Variants in STS observed in about 807,000 individuals in gnomAD.
STS encodes the protein steroid sulfatase.
In STS, 7 loss-of-function variants were observed where a neutral mutation model predicts 26.8. That is an observed-to-expected ratio of 0.26 (90% CI 0.15 to 0.49). The LOEUF (loss-of-function observed/expected upper bound fraction) is 0.49, where lower values mean the gene tolerates loss of function less well. Ranked by LOEUF, STS falls within the 20% of genes least tolerant of loss-of-function variation. The pLI, the probability that STS is intolerant of heterozygous loss-of-function variation, is 0.98. For missense variants in STS, 434 were observed against 465.6 expected, an observed-to-expected ratio of 0.93 and a Z score of 0.63; for synonymous variants, 199 against 189.4, an observed-to-expected ratio of 1.05 and a Z score of -0.42.
intron 1 of STS, among the ~76,000 whole-genome samples, chrX:7,162,320 G>T (rs1933260393): frequency 9.0e-6 from 1 of 111,500 alleles, no homozygotes; most frequent in Non-Finnish European, 1.9e-5. Context: ...AGGAAAACAA[G>T]CAGTATAAAT....
At chrX:7,342,065 G>A (rs1308353383) in intron 10 of STS, among the ~76,000 whole-genome samples, 3 of 111,341 alleles carry the variant, frequency 2.7e-5, no homozygotes, top group Non-Finnish European at 5.7e-5. Context: ...ACCCCGCCTC[G>A]GCCTCCCAAA....
At chrX:7,324,923 C>T in intron 8 of STS, among the ~76,000 whole-genome samples, 1 of 111,460 alleles carries the variant, frequency 9.0e-6, no homozygotes, top group Middle Eastern at 4.6e-3. Flanking sequence ...GGCAAAATAC[C>T]CATTTCCCCA....
At chrX:7,180,286 A>G in intron 1 of STS, among the ~76,000 whole-genome samples, 1 of 111,756 alleles carries the variant, frequency 8.9e-6, no homozygotes. Flanking sequence ...GTGATGGGAG[A>G]CAGTGATAGA....
chrX:7,343,356 A>G (rs1928379165), intron 10 of STS, among the ~76,000 whole-genome samples: 1 of 112,356 alleles, frequency 8.9e-6, no homozygotes, highest in African/African-American at 3.2e-5. Flanking sequence ...CATGTATTAC[A>G]GTAGCAACAG....
chrX:7,248,034 C>T (rs1311334017), intron 2 of STS, among the ~76,000 whole-genome samples: 4 of 111,665 alleles, frequency 3.6e-5, no homozygotes, highest in Non-Finnish European at 5.6e-5. Context: ...ATTATAAATA[C>T]CTAATGGGAA....
intron 7 of STS, among the ~76,000 whole-genome samples, chrX:7,282,053 T>C (rs1388551063): frequency 8.9e-6 from 1 of 112,681 alleles, no homozygotes; most frequent in Admixed American, 9.4e-5. Context: ...TATATTAACC[T>C]GCACACAGGG....
At chrX:7,180,881 A>G in intron 1 of STS, among the ~76,000 whole-genome samples, 1 of 112,439 alleles carries the variant, frequency 8.9e-6, no homozygotes, top group South Asian at 3.7e-4. Flanking sequence ...AAGTTGACAA[A>G]CTGTCCTCAT....
intron 8 of STS, among the ~76,000 whole-genome samples, chrX:7,315,366 C>T (rs1241091893): frequency 6.3e-5 from 7 of 111,731 alleles, no homozygotes; most frequent in African/African-American, 2.0e-4. Context: ...TTAATGAAAT[C>T]GGAGAGGCTT....
At chrX:7,270,671 A>G (rs911523417) in intron 6 of STS, among the ~76,000 whole-genome samples, 1 of 112,067 alleles carries the variant, frequency 8.9e-6, no homozygotes, top group African/African-American at 3.2e-5. Context: ...CCACTGCTTT[A>G]TAGAGAGATG....
intron 8 of STS, 144 bp downstream of exon 8, chrX:7,305,327 C>T: frequency 1.4e-6 from 1 of 726,727 alleles, no homozygotes. Flanking sequence ...GTCAGAAGGC[C>T]AAAGTGACCA....
chrX:7,308,012 C>G (rs1373589457), intron 8 of STS, among the ~76,000 whole-genome samples: 1 of 112,502 alleles, frequency 8.9e-6, no homozygotes, highest in African/African-American at 3.2e-5. Context: ...CTTTTCAAAG[C>G]TAGCTAGGTG....
chrX:7,190,868 A>G lies in STS; in HGVS notation c.-133-12A>G. The stretch of plus-strand genomic sequence containing the variant: ...CAGCGTGTGATTATTCATCTTTTGA[A>G]TGAATTCACAGGAAGAGCCCGATGC... On this transcript the variant is annotated splice_polypyrimidine_tract_variant and intron_variant, in intron 1 of 10. Transcript: ENST00000674429. 2 of 244,341 alleles carry G rather than the reference A, an allele frequency of 8.2e-6. No homozygotes were observed. Among genetic ancestry groups the G allele is most frequent in the Non-Finnish European group, 1.2e-5 (2 of 173,306 alleles). The allele number at this position is 244,341 out of a possible 1,213,427, so 20.1% of individuals were successfully genotyped here.
At chrX:7,301,128 A>T (rs1465405841) in intron 7 of STS, among the ~76,000 whole-genome samples, 1 of 110,781 alleles carries the variant, frequency 9.0e-6, no homozygotes, top group African/African-American at 3.3e-5. Context: ...TTTGAAAGGC[A>T]TTTAAAAAAT....
In STS at chrX:7,311,432, A is replaced by G. The variant is rs199577638; in HGVS notation, c.1081+6249A>G. On this transcript the variant is annotated intron_variant, in intron 8 of 10. Transcript: ENST00000674429. ...AGCTGCTGGAAGTGGTGGGCTCCCT[A>G]CGAAACCTCTAGGGGAGAATCCTTT... Among the ~76,000 whole-genome samples, 16 of 111,691 alleles carry G rather than the reference A, an allele frequency of 1.4e-4. No homozygotes were observed. The East Asian group carries it at 3.7e-3, about 26-fold the overall frequency.
intron 1 of STS, among the ~76,000 whole-genome samples, chrX:7,187,855 T>A (rs1933801783): frequency 9.0e-6 from 1 of 111,652 alleles, no homozygotes; most frequent in East Asian, 2.8e-4. Context: ...CATTCTTAGA[T>A]CATTATCATT....
intron 9 of STS, among the ~76,000 whole-genome samples, chrX:7,327,535 C>T (rs1217996937): frequency 9.1e-6 from 1 of 109,687 alleles, no homozygotes; most frequent in African/African-American, 3.3e-5. Flanking sequence ...AAGCATGCAC[C>T]ACCACGCCCA....
intron 8 of STS, among the ~76,000 whole-genome samples, chrX:7,307,771 A>G (rs897895960): frequency 8.9e-6 from 1 of 111,840 alleles, no homozygotes; most frequent in Non-Finnish European, 1.9e-5. Context: ...GAAATTTGGA[A>G]CAAAGAATGT....
At chrX:7,330,721 A>G (rs1159568677) in intron 9 of STS, among the ~76,000 whole-genome samples, 1 of 112,016 alleles carries the variant, frequency 8.9e-6, no homozygotes, top group Non-Finnish European at 1.9e-5. Context: ...AGTTTTGCAG[A>G]ACTAAAGGTG....
intron 8 of STS, among the ~76,000 whole-genome samples, chrX:7,308,551 T>C (rs779635570): frequency 1.8e-5 from 2 of 111,373 alleles, no homozygotes; most frequent in Non-Finnish European, 3.8e-5. Flanking sequence ...GAATAATGGT[T>C]GGGAACCCCA....
Sources: allele counts gnomAD v4.1 joint callset (sites outside exome capture counted in the v4.1 genomes callset), GRCh38; gene constraint gnomAD v4.1.1; transcripts MANE v1.5; gene names NCBI Gene and HGNC (gene_info 2026-07-23, HGNC 2026-07-21).